The following ERAP1 variants were observed in gnomAD, a reference collection of about 807,000 sequenced individuals.
ERAP1 encodes the protein adipocyte-derived leucine aminopeptidase.
ERAP1 carries 86 observed loss-of-function variants against 103.7 expected under a neutral mutation model. That is an observed-to-expected ratio of 0.83 (90% CI 0.70 to 0.99). The LOEUF (loss-of-function observed/expected upper bound fraction) is 0.99. ERAP1 is among the 50% of genes least tolerant of loss of function. ERAP1 has a pLI of 0.00. For missense variants in ERAP1, 1,009 were observed against 1,128.4 expected, an observed-to-expected ratio of 0.89 and a Z score of 1.52; for synonymous variants, 398 against 402.4, an observed-to-expected ratio of 0.99 and a Z score of 0.13.
chr5:96,763,742 C>A (rs1581378595), intron 19 of ERAP1, among the ~76,000 whole-genome samples: 1 of 152,130 alleles, frequency 6.6e-6, no homozygotes, highest in Non-Finnish European at 1.5e-5. Flanking sequence ...TAGATTGTTA[C>A]TAACAGTGTT....
At chr5:96,924,600 T>A in the ERAP1 span, among the ~76,000 whole-genome samples, 3,690 of 147,158 alleles carry the variant, frequency 0.025, 67 homozygotes, top group South Asian at 0.045. Context: ...GCTAACAGAT[T>A]TTTTTTTTTT....
chr5:96,811,107 T>TA (rs531558857), upstream of ERAP1, among the ~76,000 whole-genome samples: 1,940 of 151,540 alleles, frequency 0.013, 34 homozygotes, highest in African/African-American at 0.044. Flanking sequence ...AATGCCAATT[T>TA]AAAAAAAAAT....
chr5:96,933,849 T>C, the ERAP1 span, among the ~76,000 whole-genome samples: 2 of 152,226 alleles, frequency 1.3e-5, no homozygotes, highest in African/African-American at 4.8e-5. Flanking sequence ...CTATATAATA[T>C]CTGAACTGGG....
At chr5:96,772,346 A>G (rs1414404069), downstream of ERAP1, 1 of 153,314 alleles carries the variant, frequency 6.5e-6, no homozygotes, top group African/African-American at 2.4e-5. Context: ...AAAGCATACA[A>G]GCACTTACTG....
the ERAP1 span, chr5:96,875,882 G>A: frequency 6.6e-6 from 1 of 152,436 alleles, no homozygotes; most frequent in African/African-American, 2.4e-5. Context: ...GCAGAGCAAA[G>A]GCCAGAGGTT....
the ERAP1 span, among the ~76,000 whole-genome samples, chr5:96,821,185 T>C: frequency 0.66 from 100,236 of 151,760 alleles, 33,602 homozygotes; most frequent in Non-Finnish European, 0.72. Flanking sequence ...CTTCAGCGGA[T>C]TGGATGAGGC....
chr5:96,881,356 T>C, the ERAP1 span: 1 of 452,682 alleles, frequency 2.2e-6, no homozygotes, highest in South Asian at 1.6e-5. Context: ...TTGGCAGTTA[T>C]TTTGGAGGGC....
At chr5:96,837,895 G>T in the ERAP1 span, among the ~76,000 whole-genome samples, 1 of 152,130 alleles carries the variant, frequency 6.6e-6, no homozygotes, top group Non-Finnish European at 1.5e-5. Context: ...CCAGAGTCCC[G>T]CCATCCCTCT....
intron 8 of ERAP1, among the ~76,000 whole-genome samples, chr5:96,791,252 C>T (rs1776701198): frequency 6.6e-6 from 1 of 152,202 alleles, no homozygotes. Context: ...GAGTCACAAA[C>T]TCAAATGCCT....
the ERAP1 span, among the ~76,000 whole-genome samples, chr5:96,871,212 G>A: frequency 3.3e-5 from 5 of 152,122 alleles, no homozygotes; most frequent in Non-Finnish European, 7.4e-5. Context: ...CTGTCTCCCT[G>A]CAAAGCAGCC....
At chr5:96,831,728 A>G in the ERAP1 span, among the ~76,000 whole-genome samples, 2 of 152,142 alleles carry the variant, frequency 1.3e-5, no homozygotes, top group South Asian at 2.1e-4. Flanking sequence ...AAATGCTGCT[A>G]TTTCTTCCTG....
At chr5:96,797,892 G>A (rs1364509079) in intron 3 of ERAP1, among the ~76,000 whole-genome samples, 1 of 152,178 alleles carries the variant, frequency 6.6e-6, no homozygotes, top group African/African-American at 2.4e-5. Flanking sequence ...GTTTTGCCAA[G>A]ATGTGGCTGA....
the ERAP1 span, among the ~76,000 whole-genome samples, chr5:96,852,464 C>G: frequency 6.6e-6 from 1 of 152,112 alleles, no homozygotes; most frequent in Admixed American, 6.6e-5. Context: ...TTTTACACAT[C>G]TAGGTTTCTA....
chr5:96,924,740 G>A, the ERAP1 span, among the ~76,000 whole-genome samples: 1 of 152,004 alleles, frequency 6.6e-6, no homozygotes, highest in Admixed American at 6.5e-5. Context: ...CGGGACTACA[G>A]GCACCTGCTA....
chr5:96,799,413 A>G (rs1777741297), intron 3 of ERAP1, among the ~76,000 whole-genome samples: 1 of 152,146 alleles, frequency 6.6e-6, no homozygotes, highest in Non-Finnish European at 1.5e-5. Context: ...TTCCCGTCCA[A>G]AGGGACAACA....
At chr5:96,876,495 C>T in the ERAP1 span, 1 of 152,300 alleles carries the variant, frequency 6.6e-6, no homozygotes, top group East Asian at 1.9e-4. Context: ...AGTAAATTCC[C>T]CTTCAGTCAA....
At chr5:96,781,244 AAC>A (rs756427853) in intron 16 of ERAP1, 46 bp from the exon 17 acceptor site, 1 of 1,578,586 alleles carries the variant, frequency 6.3e-7, no homozygotes, top group South Asian at 1.1e-5. Context: ...TAGGTGATGA[AAC>A]AGTTATGAAT....
chr5:96,795,431 A>C (rs564155193), intron 4 of ERAP1, among the ~76,000 whole-genome samples: 1 of 152,356 alleles, frequency 6.6e-6, no homozygotes, highest in African/African-American at 2.4e-5. Flanking sequence ...TTTAGAAGCC[A>C]AAGTGAAATG....
At chr5:96,859,354 C>T in the ERAP1 span, among the ~76,000 whole-genome samples, 18 of 152,144 alleles carry the variant, frequency 1.2e-4, no homozygotes, top group Admixed American at 2.6e-4. Context: ...GTTCCCAACA[C>T]GCTGTTGCTC....
Sources: allele counts gnomAD v4.1 joint callset (sites outside exome capture counted in the v4.1 genomes callset), GRCh38; gene constraint gnomAD v4.1.1; transcripts MANE v1.5; gene names NCBI Gene and HGNC (gene_info 2026-07-23, HGNC 2026-07-21).